Variants in RAD51B observed in about 807,000 individuals in gnomAD.
RAD51B encodes DNA repair protein RAD51 homolog 2.
RAD51B carries 38 observed loss-of-function variants against 42.2 expected under a neutral mutation model. That is an observed-to-expected ratio of 0.90 (90% CI 0.70 to 1.18). The LOEUF (loss-of-function observed/expected upper bound fraction) is 1.18. Ranked by LOEUF, RAD51B falls within the 50% of genes most tolerant of loss-of-function variation. RAD51B has a pLI of 0.00. For missense variants in RAD51B, 373 were observed against 400.7 expected, an observed-to-expected ratio of 0.93 and a Z score of 0.59; for synonymous variants, 154 against 145.2, an observed-to-expected ratio of 1.06 and a Z score of -0.43.
At chr14:67,889,580 T>A (rs2043158424) in intron 7 of RAD51B, among the ~76,000 whole-genome samples, 1 of 147,032 alleles carries the variant, frequency 6.8e-6, no homozygotes, top group Non-Finnish European at 1.5e-5. Flanking sequence ...TTATTCAGCT[T>A]TTCCCCCCCT....
At chr14:68,673,557 T>C (rs111206630) in intron 11 of RAD51B, among the ~76,000 whole-genome samples, 3 of 150,242 alleles carry the variant, frequency 2.0e-5, no homozygotes, top group South Asian at 2.1e-4. Flanking sequence ...TGTACACACA[T>C]ATGTATGCAC....
At chr14:68,434,092 G>A (rs1223365852) in intron 9 of RAD51B, among the ~76,000 whole-genome samples, 3 of 152,182 alleles carry the variant, frequency 2.0e-5, no homozygotes, top group Non-Finnish European at 4.4e-5. Context: ...CTGCCTCATC[G>A]TTCCTCTGGA....
chr14:67,948,842 G>C (rs536292125), intron 7 of RAD51B, among the ~76,000 whole-genome samples: 28 of 140,230 alleles, frequency 2.0e-4, no homozygotes, highest in African/African-American at 7.4e-4. Context: ...TGAGGCAGGA[G>C]AATGGTGTGA....
chr14:68,418,071 T>C (rs981998019), intron 9 of RAD51B, among the ~76,000 whole-genome samples: 2 of 152,188 alleles, frequency 1.3e-5, no homozygotes, highest in Non-Finnish European at 2.9e-5. Context: ...ACCATGATGT[T>C]TTAAAAGGCG....
intron 7 of RAD51B, among the ~76,000 whole-genome samples, chr14:68,010,139 C>T (rs2075659140): frequency 6.6e-6 from 1 of 151,794 alleles, no homozygotes; most frequent in Non-Finnish European, 1.5e-5. Context: ...TTTTCAATGG[C>T]TTCCCATAAT....
intron 11 of RAD51B, among the ~76,000 whole-genome samples, chr14:68,679,702 G>A (rs991258137): frequency 2.0e-5 from 3 of 152,154 alleles, no homozygotes; most frequent in Admixed American, 2.0e-4. Context: ...TCACATTCCT[G>A]TTCTGAGGGT....
chr14:68,513,960 C>A (rs983820857), intron 10 of RAD51B, among the ~76,000 whole-genome samples: 2 of 152,162 alleles, frequency 1.3e-5, no homozygotes, highest in African/African-American at 2.4e-5. Context: ...AGTTTCATTT[C>A]TTTAAAAAGG....
intron 11 of RAD51B, among the ~76,000 whole-genome samples, chr14:68,673,833 A>G (rs536352847): frequency 1.3e-5 from 2 of 151,976 alleles, no homozygotes; most frequent in Non-Finnish European, 2.9e-5. Context: ...CATACTGTAC[A>G]TACACATATG....
Position 68,184,624 on chromosome 14 carries a change from C to CAAAA in RAD51B, c.757-107260_757-107259insAAAA, listed in dbSNP as rs1491382522. 6.2e-5 allele frequency among the ~76,000 whole-genome samples: 8 copies of CAAAA among 129,596 alleles called. 1 individual carries two copies. Among genetic ancestry groups the CAAAA allele is most frequent in the African/African-American group, 2.4e-4 (8 of 33,820 alleles). 85.0% of individuals were successfully genotyped at this position (129,596 alleles called of 152,430 possible). A position where few individuals can be genotyped will look rare whatever the true frequency, so the allele number is the denominator to read the frequency against. On this transcript the variant is annotated intron_variant, in intron 7 of 10. Coordinates refer to ENST00000471583, the MANE Select transcript of RAD51B (RefSeq NM_133510.4). ...GGCCCTGTCTAAAAAAAAAAAAAAACCAAAAAAAAAAACAGGAAGAAGAAG... is the reference window on the plus strand; with the variant it reads ...GGCCCTGTCTAAAAAAAAAAAAAAACAAAACAAAAAAAAAAACAGGAAGAAGAAG...
intron 7 of RAD51B, among the ~76,000 whole-genome samples, chr14:68,154,656 C>A (rs774002934): frequency 3.6e-4 from 55 of 151,496 alleles, no homozygotes; most frequent in Non-Finnish European, 5.9e-4. Flanking sequence ...CCTAGAAATT[C>A]TCTTAAGGTA....
chr14:68,260,126 G>A (rs1473303623), intron 7 of RAD51B, among the ~76,000 whole-genome samples: 2 of 152,126 alleles, frequency 1.3e-5, no homozygotes, highest in African/African-American at 4.8e-5. Context: ...AGGCCTCTAT[G>A]AGGAGGACTT....
intron 5 of RAD51B, among the ~76,000 whole-genome samples, chr14:67,872,692 T>C (rs954030922): frequency 6.6e-6 from 1 of 151,778 alleles, no homozygotes; most frequent in African/African-American, 2.4e-5. Context: ...CAAACTATAC[T>C]ACAAGGCTAC....
intron 10 of RAD51B, among the ~76,000 whole-genome samples, chr14:68,579,486 A>G (rs1890116154): frequency 6.6e-6 from 1 of 152,372 alleles, no homozygotes; most frequent in East Asian, 1.9e-4. Context: ...GATGTTGCAA[A>G]TAAACATAGA....
At chr14:68,587,615 C>T (rs1890550223) in intron 10 of RAD51B, among the ~76,000 whole-genome samples, 1 of 152,006 alleles carries the variant, frequency 6.6e-6, no homozygotes, top group African/African-American at 2.4e-5. Flanking sequence ...TCAGCACATC[C>T]ATCCCCCCCG....
intron 7 of RAD51B, among the ~76,000 whole-genome samples, chr14:68,125,572 A>C (rs78797088): frequency 0.013 from 1,976 of 152,310 alleles, 45 homozygotes; most frequent in African/African-American, 0.045. Flanking sequence ...ATTTGTGAGC[A>C]GTGGCAGAGC....
intron 11 of RAD51B, among the ~76,000 whole-genome samples, chr14:68,664,006 T>C (rs1262246109): frequency 1.3e-5 from 2 of 152,236 alleles, no homozygotes; most frequent in East Asian, 3.8e-4. Flanking sequence ...ATTGAGGGTA[T>C]TGCTTTGGTG....
At chr14:68,260,951 T>C (rs1367533784) in intron 7 of RAD51B, among the ~76,000 whole-genome samples, 3 of 152,260 alleles carry the variant, frequency 2.0e-5, no homozygotes, top group African/African-American at 7.2e-5. Context: ...CAATTGTTAA[T>C]CTTCCATTAG....
chr14:68,569,500 T>A (rs1162123658), intron 10 of RAD51B, among the ~76,000 whole-genome samples: 1 of 152,150 alleles, frequency 6.6e-6, no homozygotes, highest in East Asian at 1.9e-4. Context: ...CTGTTTTCAT[T>A]GTATGGGGCT....
At chr14:68,584,085 T>G (rs963528005) in intron 10 of RAD51B, among the ~76,000 whole-genome samples, 2 of 152,152 alleles carry the variant, frequency 1.3e-5, no homozygotes, top group African/African-American at 4.8e-5. Context: ...CCCCCCATGC[T>G]GGGGCTGGAT....
Sources: gnomAD v4.1 joint callset for allele counts (sites outside exome capture counted in the v4.1 genomes callset) on GRCh38, gnomAD v4.1.1 for gene constraint, MANE v1.5 for transcripts, NCBI Gene and HGNC (gene_info 2026-07-23, HGNC 2026-07-21) for gene names.